VGLL4: variants seen among roughly 807,000 people sequenced by gnomAD.
VGLL4 encodes the protein vestigial like family member 4.
In VGLL4, 7 loss-of-function variants were observed where a neutral mutation model predicts 21.0. The ratio of observed to expected loss-of-function variants is 0.33; its 90% CI spans 0.19 to 0.63. VGLL4 has a LOEUF of 0.63. Ranked by LOEUF, VGLL4 falls within the 20% of genes least tolerant of loss-of-function variation. The probability of loss-of-function intolerance (pLI) is 0.78; values close to 1 mark genes in which losing one functional copy is unlikely to be tolerated. For synonymous variants in VGLL4, 222 were observed against 173.2 expected (o/e 1.28, Z -2.21); for missense variants, 394 against 425.7 (o/e 0.93, Z 0.66).
At chr3:11,651,317 T>A (rs1342793219) in intron 2 of VGLL4, among the ~76,000 whole-genome samples, 1 of 138,358 alleles carries the variant, frequency 7.2e-6, no homozygotes. Flanking sequence ...CACTCCAGCC[T>A]AAGCGATAGA....
upstream of VGLL4, chr3:11,644,054 A>C (rs1013805497): frequency 4.3e-6 from 4 of 935,350 alleles, no homozygotes; most frequent in Admixed American, 6.2e-5. Flanking sequence ...AGAAAGAGAA[A>C]GGGGAGGGGG....
At chr3:11,650,620 TC>T (rs1413771598) in intron 2 of VGLL4, among the ~76,000 whole-genome samples, 1 of 152,180 alleles carries the variant, frequency 6.6e-6, no homozygotes, top group Non-Finnish European at 1.5e-5. Context: ...CCTACTGGGT[TC>T]CGCTGTGCTC....
intron 2 of VGLL4, among the ~76,000 whole-genome samples, chr3:11,689,004 G>A (rs957482300): frequency 2.8e-4 from 42 of 151,990 alleles, no homozygotes; most frequent in African/African-American, 8.7e-4. Flanking sequence ...CCTGGGGACT[G>A]AGTGAGACTC....
chr3:11,628,617 G>A (rs2574708), intron 1 of VGLL4, among the ~76,000 whole-genome samples: 110,584 of 150,154 alleles, frequency 0.74, 40,765 homozygotes, highest in Admixed American at 0.81. Context: ...TCAGGAGATT[G>A]AGACCATCCT....
intron 1 of VGLL4, among the ~76,000 whole-genome samples, chr3:11,637,472 A>T (rs1364818079): frequency 6.6e-6 from 1 of 152,210 alleles, no homozygotes. Context: ...AGAGTGAAAT[A>T]TTAAGAGTTT....
chr3:11,611,113 G>T (rs2075052412), intron 1 of VGLL4, among the ~76,000 whole-genome samples: 1 of 150,528 alleles, frequency 6.6e-6, no homozygotes, highest in Non-Finnish European at 1.5e-5. Context: ...GACAGTTGAG[G>T]AGGGAGGAAG....
intron 2 of VGLL4, among the ~76,000 whole-genome samples, chr3:11,679,543 C>T (rs983569549): frequency 8.6e-5 from 13 of 151,946 alleles, no homozygotes; most frequent in Non-Finnish European, 1.8e-4. Context: ...CTTAGCCAGG[C>T]GTGGTAGCAT....
At chr3:11,684,249 A>G (rs1339332931) in intron 2 of VGLL4, among the ~76,000 whole-genome samples, 4 of 152,184 alleles carry the variant, frequency 2.6e-5, no homozygotes, top group Non-Finnish European at 5.9e-5. Context: ...GTTTGTTATT[A>G]TAATATATAT....
chr3:11,613,136 C>T (rs1372894454), intron 1 of VGLL4, among the ~76,000 whole-genome samples: 2 of 151,884 alleles, frequency 1.3e-5, no homozygotes, highest in South Asian at 2.1e-4. Context: ...CTGGTTGCCA[C>T]GAAACAGAGG....
At chr3:11,677,012 C>CT (rs1468198032) in intron 2 of VGLL4, among the ~76,000 whole-genome samples, 2 of 152,228 alleles carry the variant, frequency 1.3e-5, no homozygotes, top group African/African-American at 4.8e-5. Flanking sequence ...AACTGTTACA[C>CT]TTTTTTTACT....
intron 2 of VGLL4, among the ~76,000 whole-genome samples, chr3:11,594,514 T>TAC (rs1181322150): frequency 6.6e-6 from 1 of 152,138 alleles, no homozygotes; most frequent in Admixed American, 6.6e-5. Flanking sequence ...ACTCTAAGTC[T>TAC]ACACACACAC....
intron 2 of VGLL4, among the ~76,000 whole-genome samples, chr3:11,575,611 C>T (rs1188011616): frequency 1.3e-5 from 2 of 152,208 alleles, no homozygotes; most frequent in East Asian, 1.9e-4. Flanking sequence ...CCAGCGGCAG[C>T]CGCTTAAAGA....
At chr3:11,652,235 T>C (rs1234952269) in intron 2 of VGLL4, among the ~76,000 whole-genome samples, 3 of 152,238 alleles carry the variant, frequency 2.0e-5, no homozygotes, top group African/African-American at 7.2e-5. Context: ...AACCTTATTT[T>C]ATTTAATATT....
At chr3:11,559,272 G>A in intron 4 of VGLL4, 60 bp downstream of exon 4, 1 of 1,472,780 alleles carries the variant, frequency 6.8e-7, no homozygotes, top group Non-Finnish European at 9.0e-7. Flanking sequence ...CAGCATGACA[G>A]AGAAGGGCTC....
At chr3:11,669,721 C>T (rs984238483) in intron 2 of VGLL4, among the ~76,000 whole-genome samples, 1 of 151,894 alleles carries the variant, frequency 6.6e-6, no homozygotes, top group African/African-American at 2.4e-5. Context: ...GCTCTATAGC[C>T]CAGGCTGGAG....
intron 1 of VGLL4, among the ~76,000 whole-genome samples, chr3:11,627,149 T>C (rs940750570): frequency 1.3e-5 from 2 of 151,966 alleles, no homozygotes; most frequent in African/African-American, 4.8e-5. Context: ...CTTCACTTTA[T>C]AGGCATACTT....
At chr3:11,576,988 T>C (rs1473786438) in intron 2 of VGLL4, among the ~76,000 whole-genome samples, 1 of 152,216 alleles carries the variant, frequency 6.6e-6, no homozygotes, top group Non-Finnish European at 1.5e-5. Context: ...AACTATTTTA[T>C]GAATGAGCCA....
chr3:11,668,198 A>G (rs1413900386), intron 2 of VGLL4, among the ~76,000 whole-genome samples: 1 of 151,876 alleles, frequency 6.6e-6, no homozygotes, highest in East Asian at 1.9e-4. Flanking sequence ...CATTTCTTCA[A>G]GATATAAATA....
intron 2 of VGLL4, among the ~76,000 whole-genome samples, chr3:11,663,468 C>T (rs2076064602): frequency 6.6e-6 from 1 of 152,196 alleles, no homozygotes; most frequent in African/African-American, 2.4e-5. Flanking sequence ...CCTGCGATAC[C>T]AGCACTTAGG....
Sources: allele counts gnomAD v4.1 joint callset (sites outside exome capture counted in the v4.1 genomes callset), GRCh38; gene constraint gnomAD v4.1.1; transcripts MANE v1.5; gene names NCBI Gene and HGNC (gene_info 2026-07-23, HGNC 2026-07-21).